The following SPATA9 variants were observed in gnomAD, a reference collection of about 807,000 sequenced individuals.
The protein encoded by SPATA9 is spermatogenesis associated 9.
SPATA9 carries 27 observed loss-of-function variants against 25.5 expected under a neutral mutation model. The observed-to-expected ratio is 1.06, with a 90% confidence interval of 0.78 to 1.46. SPATA9 has a LOEUF of 1.46. Among genes scored for constraint, SPATA9 ranks in the 40% most tolerant of loss-of-function variants. SPATA9 has a pLI of 0.00. For missense variants in SPATA9, 282 were observed against 297.5 expected (o/e 0.95, Z 0.38); for synonymous variants, 102 against 105.7 (o/e 0.97, Z 0.21).
chr5:95,721,048 G>T, the SPATA9 span, among the ~76,000 whole-genome samples: 1 of 152,098 alleles, frequency 6.6e-6, no homozygotes, highest in Non-Finnish European at 1.5e-5. Flanking sequence ...AATTTTACCC[G>T]GTGGTAATTA....
chr5:95,653,155 T>C, exon 9 of SPATA9: 1 of 1,551,752 alleles, frequency 6.4e-7, no homozygotes, highest in Non-Finnish European at 8.7e-7. Context: ...CATGTCTAGT[T>C]CATTTGCATT....
At chr5:95,695,739 A>C (rs1391657398) in intron 1 of SPATA9, among the ~76,000 whole-genome samples, 2 of 152,212 alleles carry the variant, frequency 1.3e-5, no homozygotes, top group Non-Finnish European at 2.9e-5. Flanking sequence ...ATATTTGTTA[A>C]ATCATATGAT....
downstream of SPATA9, chr5:95,652,287 A>G: frequency 6.5e-7 from 1 of 1,549,470 alleles, no homozygotes; most frequent in Non-Finnish European, 8.7e-7. Flanking sequence ...GAAGTGTTTC[A>G]GGAATTGTCT....
At chr5:95,730,847 T>G in the SPATA9 span, 1 of 453,836 alleles carries the variant, frequency 2.2e-6, no homozygotes, top group South Asian at 1.6e-5. Context: ...AAGTATGATT[T>G]TAGAAAACAG....
At chr5:95,703,722 A>G in the SPATA9 span, among the ~76,000 whole-genome samples, 3 of 152,204 alleles carry the variant, frequency 2.0e-5, no homozygotes, top group African/African-American at 7.2e-5. Flanking sequence ...GGAAATGTAC[A>G]TATCAAGTGA....
chr5:95,675,718 T>C, intron 2 of SPATA9, 79 bp from the exon 3 acceptor site: 1 of 1,164,872 alleles, frequency 8.6e-7, no homozygotes, highest in South Asian at 1.4e-5. Flanking sequence ...AGAGACTGAC[T>C]ACTATATAAC....
At chr5:95,676,571 GC>G (rs1257234450) in intron 2 of SPATA9, among the ~76,000 whole-genome samples, 7 of 152,030 alleles carry the variant, frequency 4.6e-5, no homozygotes, top group Non-Finnish European at 7.4e-5. Context: ...TGTCAAACTA[GC>G]CTGTCAGAAA....
chr5:95,719,528 C>G, the SPATA9 span: 1 of 152,200 alleles, frequency 6.6e-6, no homozygotes, highest in South Asian at 2.1e-4. Flanking sequence ...TACCCTGATA[C>G]TGGGTAGTGA....
intron 3 of SPATA9, among the ~76,000 whole-genome samples, chr5:95,672,454 GGTTT>G (rs1410389125): frequency 1.2e-4 from 18 of 146,824 alleles, no homozygotes; most frequent in Non-Finnish European, 2.5e-4. Flanking sequence ...GGCCAAAAGA[GGTTT>G]TTTTTTTTTT....
chr5:95,653,591 C>T (rs1386432509), downstream of SPATA9, among the ~76,000 whole-genome samples: 1 of 152,192 alleles, frequency 6.6e-6, no homozygotes, highest in African/African-American at 2.4e-5. Context: ...GTAATGACTA[C>T]CTACTTAATA....
At chr5:95,700,637 A>C (rs1041559089), upstream of SPATA9, among the ~76,000 whole-genome samples, 8 of 152,084 alleles carry the variant, frequency 5.3e-5, no homozygotes, top group Admixed American at 5.2e-4. Context: ...CATGTTGGCC[A>C]GGCTGGTCTC....
intron 1 of SPATA9, among the ~76,000 whole-genome samples, chr5:95,693,584 A>G (rs1368101904): frequency 1.3e-5 from 2 of 152,158 alleles, no homozygotes; most frequent in Admixed American, 6.6e-5. Flanking sequence ...ACCTTGAAAA[A>G]CCATTTCTTT....
chr5:95,682,701 T>C, intron 1 of SPATA9, 85 bp from the exon 2 acceptor site: 1 of 1,513,206 alleles, frequency 6.6e-7, no homozygotes, highest in Non-Finnish European at 9.0e-7. Flanking sequence ...TTGATCAAAT[T>C]CCTAGATGAC....
chr5:95,713,212 G>C, the SPATA9 span, among the ~76,000 whole-genome samples: 1 of 151,958 alleles, frequency 6.6e-6, no homozygotes, highest in African/African-American at 2.4e-5. Flanking sequence ...GCCCACTTGA[G>C]TCCATCAAGC....
upstream of SPATA9, among the ~76,000 whole-genome samples, chr5:95,686,658 C>A (rs1369641369): frequency 6.6e-6 from 1 of 152,138 alleles, no homozygotes; most frequent in Non-Finnish European, 1.5e-5. Context: ...ACTGATGGGG[C>A]AACCTGATGA....
intron 2 of SPATA9, among the ~76,000 whole-genome samples, chr5:95,682,034 A>G (rs1215457892): frequency 6.6e-6 from 1 of 152,182 alleles, no homozygotes; most frequent in Non-Finnish European, 1.5e-5. Flanking sequence ...TTCACTCCCA[A>G]TATTTTATCT....
At chr5:95,673,770 A>G (rs1242226301) in intron 3 of SPATA9, among the ~76,000 whole-genome samples, 1 of 147,696 alleles carries the variant, frequency 6.8e-6, no homozygotes, top group Admixed American at 6.8e-5. Flanking sequence ...TTTTAGACAG[A>G]GTCTTGCTCT....
chr5:95,667,054 A>G (rs1342385398), intron 3 of SPATA9, among the ~76,000 whole-genome samples: 1 of 152,178 alleles, frequency 6.6e-6, no homozygotes, highest in African/African-American at 2.4e-5. Context: ...TAACAAACCT[A>G]TGAAATAAGA....
rs1264470991 is a variant in SPATA9 at position 95,679,535 on chromosome 5, T to G, written c.150+2993A>C. ...TGATCTGACCAGCACTTGGATGCCA[T>G]GTTACTACTGTGCCTGCAGATTCCT... On this transcript the variant is annotated intron_variant, in intron 2 of 4. Coordinates refer to ENST00000274432, the MANE Select transcript of SPATA9 (RefSeq NM_031952.4). Among the ~76,000 whole-genome samples the G allele has an allele frequency of 2.6e-5, 4 of 152,182 alleles. No individual in the cohort carries two copies. In the East Asian group the frequency reaches 7.7e-4, roughly 29 times the overall value.
Sources: gnomAD v4.1 joint callset for allele counts (sites outside exome capture counted in the v4.1 genomes callset) on GRCh38, gnomAD v4.1.1 for gene constraint, MANE v1.5 for transcripts, NCBI Gene and HGNC (gene_info 2026-07-23, HGNC 2026-07-21) for gene names.